Variants in CCSER1 observed in about 807,000 individuals in gnomAD.
CCSER1 encodes the protein coiled-coil serine rich protein 1.
A neutral mutation model predicts 82.0 loss-of-function variants in CCSER1; 41 were observed. The ratio of observed to expected loss-of-function variants is 0.50; its 90% CI spans 0.39 to 0.65. The LOEUF is 0.65. Among genes scored for constraint, CCSER1 ranks in the 30% least tolerant of loss-of-function variants. The pLI, the probability that CCSER1 is intolerant of heterozygous loss-of-function variation, is 0.00. For synonymous variants in CCSER1, 414 were observed against 383.9 expected (o/e 1.08, Z -0.92); for missense variants, 1,119 against 1,064.2 (o/e 1.05, Z -0.72).
chr4:91,556,473 A>T (rs1392514467), intron 10 of CCSER1, among the ~76,000 whole-genome samples: 2 of 151,098 alleles, frequency 1.3e-5, no homozygotes, highest in Non-Finnish European at 3.0e-5. Context: ...CCCACATGGC[A>T]CATGTATACA....
chr4:91,263,399 T>G (rs1741342014), intron 10 of CCSER1, among the ~76,000 whole-genome samples: 2 of 152,082 alleles, frequency 1.3e-5, no homozygotes, highest in South Asian at 2.1e-4. Context: ...TTATTCATTT[T>G]TCTTTATCTG....
At chr4:91,024,018 G>T (rs1276721459) in intron 9 of CCSER1, among the ~76,000 whole-genome samples, 2 of 152,142 alleles carry the variant, frequency 1.3e-5, no homozygotes, top group Non-Finnish European at 2.9e-5. Context: ...AGAGCTGAAG[G>T]CAGCACAGTG....
intron 9 of CCSER1, among the ~76,000 whole-genome samples, chr4:91,030,285 T>C (rs1740859632): frequency 6.6e-6 from 1 of 152,148 alleles, no homozygotes; most frequent in Non-Finnish European, 1.5e-5. Flanking sequence ...GATGCCAACA[T>C]TGTCCAAATG....
intron 7 of CCSER1, among the ~76,000 whole-genome samples, chr4:90,777,614 T>G (rs1307124410): frequency 6.6e-6 from 1 of 152,118 alleles, no homozygotes; most frequent in African/African-American, 2.4e-5. Flanking sequence ...GTATTTAACT[T>G]TCTCAGTTTC....
In CCSER1 at chr4:90,230,027, C is replaced by T. The variant is rs189549468; in HGVS notation, c.-41-78217C>T. Among the ~76,000 whole-genome samples, 1,324 of 152,274 alleles carry T rather than the reference C, an allele frequency of 8.7e-3. 18 individuals are homozygous for T. The highest frequency in any genetic ancestry group is 0.029 in the African/African-American group (1,206 of 41,554). On this transcript the variant is annotated intron_variant, in intron 1 of 10. Coordinates refer to ENST00000509176, the MANE Select transcript of CCSER1 (RefSeq NM_001145065.2). ...ACTCCCACACAATAATAATGGGAGA[C>T]TTTAACACCCCACTGTCAACATTAG... is the stretch of plus-strand genomic sequence containing the variant.
chr4:91,146,835 A>C (rs1291707253), intron 10 of CCSER1, among the ~76,000 whole-genome samples: 2 of 152,078 alleles, frequency 1.3e-5, no homozygotes, highest in Non-Finnish European at 1.5e-5. Context: ...AATGGCACTT[A>C]AGAGTAAGGG....
intron 9 of CCSER1, among the ~76,000 whole-genome samples, chr4:91,065,540 A>T (rs533422908): frequency 1.6e-4 from 24 of 152,266 alleles, no homozygotes; most frequent in African/African-American, 5.8e-4. Flanking sequence ...TTAAGCAGCA[A>T]ATTATTTATA....
chr4:91,292,973 G>A (rs552503527), intron 10 of CCSER1, among the ~76,000 whole-genome samples: 1 of 151,830 alleles, frequency 6.6e-6, no homozygotes, highest in African/African-American at 2.4e-5. Context: ...TTAAGTATAC[G>A]GTTCCTTCAG....
intron 9 of CCSER1, among the ~76,000 whole-genome samples, chr4:91,030,226 AG>A (rs1740853473): frequency 6.6e-6 from 1 of 152,162 alleles, no homozygotes; most frequent in African/African-American, 2.4e-5. Flanking sequence ...TCAATATAAT[AG>A]GGAAAACCAA....
intron 10 of CCSER1, among the ~76,000 whole-genome samples, chr4:91,132,137 G>T (rs1303883169): frequency 1.3e-5 from 2 of 151,988 alleles, no homozygotes; most frequent in African/African-American, 4.8e-5. Context: ...AATGAATAAA[G>T]AATATATTCA....
chr4:90,296,835 CTGTTCCATTGAT>C, intron 1 of CCSER1, among the ~76,000 whole-genome samples: 2 of 152,120 alleles, frequency 1.3e-5, no homozygotes, highest in Non-Finnish European at 2.9e-5. Context: ...GGGCTCTGTT[CTGTTCCATTGAT>C]CTATATCTGT....
At chr4:91,296,454 T>TATATATAC (rs1202609469) in intron 10 of CCSER1, among the ~76,000 whole-genome samples, 3 of 88,792 alleles carry the variant, frequency 3.4e-5, no homozygotes, top group African/African-American at 1.8e-4. Flanking sequence ...TAACATTATA[T>TATATATAC]ATATATATAT....
intron 10 of CCSER1, among the ~76,000 whole-genome samples, chr4:91,103,447 T>C (rs1409465878): frequency 6.6e-6 from 1 of 152,176 alleles, no homozygotes; most frequent in Non-Finnish European, 1.5e-5. Context: ...ATTTTTTAGC[T>C]CCTAAGAAAC....
intron 7 of CCSER1, among the ~76,000 whole-genome samples, chr4:90,812,697 A>G (rs557265558): frequency 6.6e-6 from 1 of 152,306 alleles, no homozygotes; most frequent in Admixed American, 6.5e-5. Context: ...TTGACTCACA[A>G]TTCTGTGTGG....
chr4:91,420,926 G>T (rs1202693307), intron 10 of CCSER1, among the ~76,000 whole-genome samples: 1 of 152,112 alleles, frequency 6.6e-6, no homozygotes, highest in Non-Finnish European at 1.5e-5. Flanking sequence ...AACCTGGAGG[G>T]TATTATGCTA....
intron 10 of CCSER1, among the ~76,000 whole-genome samples, chr4:91,230,804 C>A (rs1199606176): frequency 6.6e-6 from 1 of 151,778 alleles, no homozygotes; most frequent in African/African-American, 2.4e-5. Flanking sequence ...ACAATTATAA[C>A]TCTTTAAAAT....
intron 7 of CCSER1, among the ~76,000 whole-genome samples, chr4:90,803,473 G>C (rs1328346231): frequency 3.3e-5 from 5 of 152,016 alleles, no homozygotes; most frequent in Non-Finnish European, 7.3e-5. Context: ...TTGGTTTTCT[G>C]TCCTTGTGAT....
At chr4:90,193,891 A>T (rs1192486043) in intron 1 of CCSER1, among the ~76,000 whole-genome samples, 2 of 152,110 alleles carry the variant, frequency 1.3e-5, no homozygotes, top group Admixed American at 6.6e-5. Context: ...AAATTTTGAA[A>T]TCGGGGACTT....
At chr4:90,443,471 A>G (rs1393558312) in intron 4 of CCSER1, among the ~76,000 whole-genome samples, 1 of 152,146 alleles carries the variant, frequency 6.6e-6, no homozygotes, top group Non-Finnish European at 1.5e-5. Flanking sequence ...GGGACAGAGC[A>G]GGACAGCAGG....
Sources: gnomAD v4.1 joint callset for allele counts (sites outside exome capture counted in the v4.1 genomes callset) on GRCh38, gnomAD v4.1.1 for gene constraint, MANE v1.5 for transcripts, NCBI Gene and HGNC (gene_info 2026-07-23, HGNC 2026-07-21) for gene names.